Variants in PDE1C observed in about 807,000 individuals in gnomAD.
The protein encoded by PDE1C is dual specificity calcium/calmodulin-dependent 3',5'-cyclic nucleotide phosphodiesterase 1C.
PDE1C carries 62 observed loss-of-function variants against 93.1 expected under a neutral mutation model. That is an observed-to-expected ratio of 0.67 (90% CI 0.54 to 0.82). PDE1C has a LOEUF of 0.82. Ranked by LOEUF, PDE1C falls within the 40% of genes least tolerant of loss-of-function variation. The pLI is 0.00. For synonymous variants in PDE1C, 325 were observed against 310.1 expected (o/e 1.05, Z -0.50); for missense variants, 742 against 884.6 (o/e 0.84, Z 2.04).
At chr7:32,067,322 G>A (rs974254964) in intron 1 of PDE1C, among the ~76,000 whole-genome samples, 3 of 152,136 alleles carry the variant, frequency 2.0e-5, no homozygotes, top group Admixed American at 6.5e-5. Context: ...AAAAGCAAGT[G>A]ACCAAAGCAA....
chr7:31,623,534 G>T, the PDE1C span, among the ~76,000 whole-genome samples: 1 of 149,918 alleles, frequency 6.7e-6, no homozygotes, highest in Non-Finnish European at 1.5e-5. Flanking sequence ...TGCAGAAAAG[G>T]CCTTTGACAA....
At chr7:32,133,638 A>G (rs1800047563) in intron 3 of PDE1C, among the ~76,000 whole-genome samples, 2 of 152,200 alleles carry the variant, frequency 1.3e-5, no homozygotes, top group African/African-American at 4.8e-5. Context: ...CACACGCATG[A>G]CAGCTTATAT....
At chr7:31,936,915 T>G (rs2128991867) in intron 2 of PDE1C, among the ~76,000 whole-genome samples, 1 of 152,246 alleles carries the variant, frequency 6.6e-6, no homozygotes, top group African/African-American at 2.4e-5. Flanking sequence ...CTTTTATACA[T>G]TTTAGGGAGA....
At chr7:31,932,912 G>C (rs1226160208) in intron 2 of PDE1C, among the ~76,000 whole-genome samples, 4 of 152,150 alleles carry the variant, frequency 2.6e-5, no homozygotes, top group Non-Finnish European at 5.9e-5. Flanking sequence ...CATGTTCTTT[G>C]CAAGGACGTG....
intron 2 of PDE1C, 145 bp downstream of exon 2, chr7:32,051,409 A>C (rs1476738995): frequency 4.0e-6 from 3 of 741,136 alleles, no homozygotes; most frequent in Non-Finnish European, 7.1e-6. Context: ...TTACAGCAGC[A>C]GTCACGATCG....
intron 16 of PDE1C, among the ~76,000 whole-genome samples, chr7:31,779,449 A>T (rs1783237211): frequency 6.6e-6 from 1 of 152,218 alleles, no homozygotes; most frequent in Non-Finnish European, 1.5e-5. Flanking sequence ...AGCTTTTCGT[A>T]GAGGTAGCTT....
the PDE1C span, among the ~76,000 whole-genome samples, chr7:31,679,706 A>G: frequency 6.6e-6 from 1 of 152,210 alleles, no homozygotes; most frequent in East Asian, 1.9e-4. Context: ...AGAAGCCCCC[A>G]TAAACGGTGC....
chr7:32,066,781 C>T (rs1370391005), intron 1 of PDE1C, among the ~76,000 whole-genome samples: 1 of 152,112 alleles, frequency 6.6e-6, no homozygotes, highest in Non-Finnish European at 1.5e-5. Context: ...CTCAAAAACT[C>T]TATCCAGTCC....
chr7:32,016,336 G>T (rs894268096), intron 2 of PDE1C, among the ~76,000 whole-genome samples: 24 of 152,206 alleles, frequency 1.6e-4, no homozygotes, highest in African/African-American at 5.8e-4. Flanking sequence ...AACCTTCCCA[G>T]CTAAGCCCCA....
At chr7:32,419,576 C>A (rs905787050) in intron 1 of PDE1C, among the ~76,000 whole-genome samples, 18 of 152,154 alleles carry the variant, frequency 1.2e-4, no homozygotes, top group Non-Finnish European at 2.4e-4. Flanking sequence ...GCACGGCAGG[C>A]TCCTGCTACT....
intron 1 of PDE1C, among the ~76,000 whole-genome samples, chr7:32,350,054 G>A (rs1783932118): frequency 6.6e-6 from 1 of 152,046 alleles, no homozygotes; most frequent in Non-Finnish European, 1.5e-5. Flanking sequence ...CTGCTTTGTG[G>A]CATTCCTTTG....
At chr7:32,170,897 C>A (rs1431376313) in intron 2 of PDE1C, among the ~76,000 whole-genome samples, 1 of 152,168 alleles carries the variant, frequency 6.6e-6, no homozygotes, top group African/African-American at 2.4e-5. Flanking sequence ...GACCACTCTC[C>A]ACTGGGCCTA....
chr7:31,843,023 A>G (rs1792110817), intron 9 of PDE1C, among the ~76,000 whole-genome samples: 1 of 152,094 alleles, frequency 6.6e-6, no homozygotes, highest in South Asian at 2.1e-4. Context: ...TTTAATTTTC[A>G]AATATACAGG....
At chr7:32,310,424 T>C (rs1327084356) in intron 1 of PDE1C, among the ~76,000 whole-genome samples, 1 of 152,168 alleles carries the variant, frequency 6.6e-6, no homozygotes, top group Admixed American at 6.6e-5. Flanking sequence ...TACAGAACTC[T>C]CTACCCCAAA....
At chr7:31,743,203 A>G in the PDE1C span, among the ~76,000 whole-genome samples, 1 of 152,154 alleles carries the variant, frequency 6.6e-6, no homozygotes, top group Non-Finnish European at 1.5e-5. Flanking sequence ...GTCTTTGTAA[A>G]AACTATTTTC....
At chr7:31,948,210 G>C (rs1214840651) in intron 2 of PDE1C, among the ~76,000 whole-genome samples, 3 of 152,194 alleles carry the variant, frequency 2.0e-5, no homozygotes, top group South Asian at 4.1e-4. Flanking sequence ...AATTTCTCTA[G>C]AGATGGCCAT....
intron 1 of PDE1C, among the ~76,000 whole-genome samples, chr7:32,426,475 A>G (rs1288699352): frequency 6.6e-6 from 1 of 152,018 alleles, no homozygotes; most frequent in African/African-American, 2.4e-5. Flanking sequence ...GAGTTTCGCC[A>G]TGTTGCCCAA....
intron 1 of PDE1C, among the ~76,000 whole-genome samples, chr7:32,311,830 T>C (rs1405734649): frequency 2.0e-5 from 3 of 152,212 alleles, no homozygotes; most frequent in Non-Finnish European, 4.4e-5. Context: ...AAGCATTCCC[T>C]TTTAAAACTG....
At chr7:31,985,977 A>C (rs955801318) in intron 2 of PDE1C, among the ~76,000 whole-genome samples, 6 of 152,138 alleles carry the variant, frequency 3.9e-5, no homozygotes, top group Admixed American at 3.9e-4. Context: ...AACTCCCCTC[A>C]CAGTTAGGGT....
Sources: allele counts gnomAD v4.1 joint callset (sites outside exome capture counted in the v4.1 genomes callset), GRCh38; gene constraint gnomAD v4.1.1; transcripts MANE v1.5; gene names NCBI Gene and HGNC (gene_info 2026-07-23, HGNC 2026-07-21).